TCF12: variants seen among roughly 807,000 people sequenced by gnomAD.
The protein encoded by TCF12 is DNA-binding protein HTF4.
TCF12 carries 45 observed loss-of-function variants against 86.0 expected under a neutral mutation model. The observed-to-expected ratio is 0.52, with a 90% CI of 0.41 to 0.67. The LOEUF (loss-of-function observed/expected upper bound fraction) is 0.67. Ranked by LOEUF, TCF12 falls within the 30% of genes least tolerant of loss-of-function variation. TCF12 has a pLI of 0.00. For missense variants in TCF12, 881 were observed against 859.9 expected, an observed-to-expected ratio of 1.02 and a Z score of -0.31; for synonymous variants, 330 against 299.6, an observed-to-expected ratio of 1.10 and a Z score of -1.05.
intron 3 of TCF12, among the ~76,000 whole-genome samples, chr15:56,950,105 C>T (rs1251629844): frequency 6.6e-6 from 1 of 152,194 alleles, no homozygotes; most frequent in Non-Finnish European, 1.5e-5. Context: ...AGAGCTTCTC[C>T]TGTGCATTTG....
At chr15:57,178,912 A>C (rs1298656940) in intron 6 of TCF12, among the ~76,000 whole-genome samples, 1 of 152,168 alleles carries the variant, frequency 6.6e-6, no homozygotes, top group Admixed American at 6.5e-5. Flanking sequence ...TTAAAATGAC[A>C]TTTAGCTTGT....
intron 3 of TCF12, among the ~76,000 whole-genome samples, chr15:57,022,199 T>G (rs1227410235): frequency 2.6e-5 from 4 of 152,108 alleles, no homozygotes; most frequent in Non-Finnish European, 5.9e-5. Flanking sequence ...GTATTTCTCT[T>G]AATGCTGTCC....
intron 7 of TCF12, among the ~76,000 whole-genome samples, chr15:57,194,601 G>A (rs762117870): frequency 1.3e-5 from 2 of 152,160 alleles, no homozygotes; most frequent in Non-Finnish European, 2.9e-5. Flanking sequence ...GGTGCTTTAG[G>A]AAATCAGCAT....
At chr15:57,231,790 T>C (rs2059150888) in intron 9 of TCF12, among the ~76,000 whole-genome samples, 1 of 152,208 alleles carries the variant, frequency 6.6e-6, no homozygotes, top group Non-Finnish European at 1.5e-5. Context: ...TCCTTGACTT[T>C]ATATTGTTGA....
At chr15:57,218,298 C>G (rs777787618) in intron 8 of TCF12, among the ~76,000 whole-genome samples, 13 of 152,056 alleles carry the variant, frequency 8.5e-5, no homozygotes, top group Non-Finnish European at 1.5e-4. Context: ...AAGGATAGTA[C>G]AAAGAAGTTT....
intron 3 of TCF12, among the ~76,000 whole-genome samples, chr15:56,935,320 G>T (rs2060421127): frequency 6.6e-6 from 1 of 152,122 alleles, no homozygotes; most frequent in Admixed American, 6.5e-5. Flanking sequence ...AGTTTTGGAG[G>T]CTAAAAGCCT....
chr15:57,002,241 T>G (rs1043109101), intron 3 of TCF12, among the ~76,000 whole-genome samples: 2 of 152,152 alleles, frequency 1.3e-5, no homozygotes, highest in Non-Finnish European at 2.9e-5. Flanking sequence ...GGGGGTATAG[T>G]TACCTGTTCC....
chr15:57,046,929 A>C (rs942553936), intron 3 of TCF12, among the ~76,000 whole-genome samples: 3 of 152,266 alleles, frequency 2.0e-5, no homozygotes. Flanking sequence ...TATTTTACCC[A>C]TCTTTTCCCC....
chr15:57,040,465 C>G (rs2066823168), intron 3 of TCF12, among the ~76,000 whole-genome samples: 1 of 152,194 alleles, frequency 6.6e-6, no homozygotes, highest in Non-Finnish European at 1.5e-5. Context: ...GAAAGGAGTT[C>G]CGTAAGAATT....
At chr15:57,103,036 A>C (rs1308377541) in intron 5 of TCF12, among the ~76,000 whole-genome samples, 1 of 152,204 alleles carries the variant, frequency 6.6e-6, no homozygotes, top group Non-Finnish European at 1.5e-5. Context: ...AGCCTAATGC[A>C]GAGAGAAGCC....
chr15:57,076,364 A>T (rs1321069880), intron 4 of TCF12, among the ~76,000 whole-genome samples: 1 of 152,144 alleles, frequency 6.6e-6, no homozygotes, highest in African/African-American at 2.4e-5. Context: ...TCTTTAAGAA[A>T]GGAATAGAAT....
At chr15:57,195,102 C>T (rs2057187555) in intron 7 of TCF12, among the ~76,000 whole-genome samples, 2 of 152,136 alleles carry the variant, frequency 1.3e-5, no homozygotes, top group South Asian at 4.1e-4. Context: ...GGGGTTTCAC[C>T]ATGTTGGCCA....
At chr15:56,969,535 ATT>A (rs67565542) in intron 3 of TCF12, among the ~76,000 whole-genome samples, 4 of 130,018 alleles carry the variant, frequency 3.1e-5, no homozygotes, top group Non-Finnish European at 3.1e-5. Context: ...CCAGTTGGAG[ATT>A]TTTTTTTTTT....
intron 3 of TCF12, among the ~76,000 whole-genome samples, chr15:57,032,651 C>T (rs539820666): frequency 1.3e-4 from 20 of 152,106 alleles, no homozygotes; most frequent in Non-Finnish European, 2.8e-4. Context: ...CACTATGTTG[C>T]CCAGGCTGGT....
chr15:56,947,170 G>A (rs1278642052), intron 3 of TCF12, among the ~76,000 whole-genome samples: 2 of 152,084 alleles, frequency 1.3e-5, no homozygotes, highest in African/African-American at 2.4e-5. Context: ...TGAATGCTTT[G>A]GGCATTCAAC....
chr15:57,281,447 G>C (rs1357868158), intron 19 of TCF12, among the ~76,000 whole-genome samples: 2 of 152,156 alleles, frequency 1.3e-5, no homozygotes, highest in Admixed American at 1.3e-4. Context: ...TCCTATAGAA[G>C]AGGGGTCCCC....
intron 5 of TCF12, among the ~76,000 whole-genome samples, chr15:57,125,728 T>C (rs1384789246): frequency 1.3e-5 from 2 of 152,198 alleles, no homozygotes; most frequent in Non-Finnish European, 2.9e-5. Flanking sequence ...TAAATTTTTT[T>C]CTGCTTATTG....
chr15:57,217,170 T>A (rs2151845133), intron 8 of TCF12, among the ~76,000 whole-genome samples: 1 of 152,304 alleles, frequency 6.6e-6, no homozygotes, highest in African/African-American at 2.4e-5. Context: ...AATTAGTTAC[T>A]CAACTCTCTT....
At chr15:57,174,681 C>T (rs990733712) in intron 6 of TCF12, among the ~76,000 whole-genome samples, 1 of 152,164 alleles carries the variant, frequency 6.6e-6, no homozygotes, top group Non-Finnish European at 1.5e-5. Flanking sequence ...TTAGCTATAT[C>T]ACAGGATACA....
Sources: gnomAD v4.1 joint callset for allele counts (sites outside exome capture counted in the v4.1 genomes callset) on GRCh38, gnomAD v4.1.1 for gene constraint, MANE v1.5 for transcripts, NCBI Gene and HGNC (gene_info 2026-07-23, HGNC 2026-07-21) for gene names.